Variants in TLN2 observed in about 807,000 individuals in gnomAD.
The protein encoded by TLN2 is talin-2.
A neutral mutation model predicts 294.7 loss-of-function variants in TLN2; 118 were observed. The ratio of observed to expected loss-of-function variants is 0.40; its 90% CI spans 0.34 to 0.47. The LOEUF (loss-of-function observed/expected upper bound fraction) is 0.47, where lower values mean the gene tolerates loss of function less well. TLN2 is among the 20% of genes least tolerant of loss of function. The pLI, the probability that TLN2 is intolerant of heterozygous loss-of-function variation, is 0.84. For missense variants in TLN2, 3,083 were observed against 3,282.2 expected, an observed-to-expected ratio of 0.94 and a Z score of 1.48; for synonymous variants, 1,431 against 1,304.5, an observed-to-expected ratio of 1.10 and a Z score of -2.09.
At chr15:62,587,806 T>A (rs2045736386) in intron 1 of TLN2, among the ~76,000 whole-genome samples, 1 of 152,224 alleles carries the variant, frequency 6.6e-6, no homozygotes, top group Non-Finnish European at 1.5e-5. Context: ...AAAGTGCCTA[T>A]AACATTGGTT....
chr15:62,545,159 C>CA (rs2041920840), intron 1 of TLN2, among the ~76,000 whole-genome samples: 1 of 151,508 alleles, frequency 6.6e-6, no homozygotes, highest in South Asian at 2.1e-4. Flanking sequence ...AGGATGGTCT[C>CA]AATCTCCTGA....
chr15:62,413,884 G>T (rs2033923504), intron 1 of TLN2, among the ~76,000 whole-genome samples: 1 of 150,740 alleles, frequency 6.6e-6, no homozygotes, highest in Non-Finnish European at 1.5e-5. Flanking sequence ...ATGGTTTAAT[G>T]TGTATGCCTA....
intron 1 of TLN2, among the ~76,000 whole-genome samples, chr15:62,468,117 T>G (rs2037248084): frequency 6.6e-6 from 1 of 150,692 alleles, no homozygotes; most frequent in Non-Finnish European, 1.5e-5. Context: ...ATAAATTTAA[T>G]TTATTAAATA....
At chr15:62,486,741 G>C (rs1268311901) in intron 1 of TLN2, among the ~76,000 whole-genome samples, 1 of 151,008 alleles carries the variant, frequency 6.6e-6, no homozygotes, top group African/African-American at 2.4e-5. Flanking sequence ...CTGTTGTACA[G>C]GAGTTGAGCA....
At chr15:62,715,671 CT>C (rs2059720977) in intron 22 of TLN2, among the ~76,000 whole-genome samples, 3 of 152,188 alleles carry the variant, frequency 2.0e-5, no homozygotes, top group Non-Finnish European at 4.4e-5. Flanking sequence ...TTGCCTTCCT[CT>C]TTTTCTGTCA....
chr15:62,475,848 G>C (rs1595890783), intron 1 of TLN2, among the ~76,000 whole-genome samples: 1 of 152,212 alleles, frequency 6.6e-6, no homozygotes, highest in South Asian at 2.1e-4. Flanking sequence ...GAGTCAGACA[G>C]AGTAAGAATA....
intron 1 of TLN2, among the ~76,000 whole-genome samples, chr15:62,427,847 G>A (rs1164802423): frequency 6.6e-6 from 1 of 152,158 alleles, no homozygotes; most frequent in Non-Finnish European, 1.5e-5. Flanking sequence ...CAAACTCTGT[G>A]GTAATTACCC....
intron 52 of TLN2, among the ~76,000 whole-genome samples, chr15:62,814,753 C>G (rs947243821): frequency 6.6e-6 from 1 of 152,192 alleles, no homozygotes; most frequent in South Asian, 2.1e-4. Flanking sequence ...CAACAGTATT[C>G]GGTCACCTAA....
Position 62,840,647 on chromosome 15 carries a change from C to G in TLN2, c.*37C>G, listed in dbSNP as rs1567729596. The G allele has an allele frequency of 5.0e-6, 8 of 1,605,536 alleles. No homozygotes were observed. The highest frequency in any genetic ancestry group is 6.8e-6 in the Non-Finnish European group (8 of 1,175,984). ...CAGATGGCGAGCCCCAGGGGATGGC[C>G]CTGGCTGAACTGGACAGACAGTGTT... On this transcript the variant is annotated 3_prime_UTR_variant, in exon 59 of 59. Coordinates refer to ENST00000636159, the MANE Select transcript of TLN2 (RefSeq NM_015059.3).
intron 45 of TLN2, among the ~76,000 whole-genome samples, chr15:62,790,307 T>C (rs774337256): frequency 1.4e-4 from 21 of 152,192 alleles, no homozygotes; most frequent in Non-Finnish European, 2.6e-4. Context: ...GTTTGACGTA[T>C]TGAGATCCAC....
At chr15:62,783,944 T>C in intron 45 of TLN2, 54 bp downstream of exon 45, 1 of 1,605,200 alleles carries the variant, frequency 6.2e-7, no homozygotes. Context: ...TGGTGCCCAC[T>C]CCTGGGTATT....
intron 1 of TLN2, among the ~76,000 whole-genome samples, chr15:62,589,024 C>T (rs969543729): frequency 7.2e-5 from 11 of 151,990 alleles, no homozygotes; most frequent in African/African-American, 2.4e-4. Context: ...TTTGATTGCA[C>T]GTACTTGGGA....
intron 1 of TLN2, among the ~76,000 whole-genome samples, chr15:62,492,729 T>C (rs2038815700): frequency 6.6e-6 from 1 of 152,164 alleles, no homozygotes; most frequent in Non-Finnish European, 1.5e-5. Flanking sequence ...TTAAAATGTA[T>C]AAGTAAGTTT....
intron 1 of TLN2, among the ~76,000 whole-genome samples, chr15:62,449,397 T>C (rs995462111): frequency 6.6e-6 from 1 of 152,198 alleles, no homozygotes; most frequent in Non-Finnish European, 1.5e-5. Flanking sequence ...GGGGCTGCAG[T>C]AGTTGCTTCA....
At chr15:62,437,509 A>G (rs900920089) in intron 1 of TLN2, among the ~76,000 whole-genome samples, 1 of 151,708 alleles carries the variant, frequency 6.6e-6, no homozygotes, top group African/African-American at 2.4e-5. Context: ...CCTTGTGAAG[A>G]TTATAGGTGT....
intron 1 of TLN2, among the ~76,000 whole-genome samples, chr15:62,562,309 A>G (rs2043033308): frequency 6.6e-6 from 1 of 152,130 alleles, no homozygotes; most frequent in African/African-American, 2.4e-5. Flanking sequence ...GGAGCCCAGT[A>G]ACTGTGCGGC....
intron 11 of TLN2, among the ~76,000 whole-genome samples, chr15:62,684,356 A>G (rs2141036245): frequency 6.6e-6 from 1 of 152,352 alleles, no homozygotes; most frequent in Non-Finnish European, 1.5e-5. Flanking sequence ...TTAGCTGCCT[A>G]GAGCCTATCA....
intron 1 of TLN2, among the ~76,000 whole-genome samples, chr15:62,450,698 C>A (rs2036085116): frequency 6.6e-6 from 1 of 152,040 alleles, no homozygotes; most frequent in South Asian, 2.1e-4. Flanking sequence ...CCTTAGCCTC[C>A]TGAGTAGCTG....
At chr15:62,571,166 G>C (rs150500911) in intron 1 of TLN2, among the ~76,000 whole-genome samples, 27 of 152,320 alleles carry the variant, frequency 1.8e-4, no homozygotes, top group African/African-American at 6.0e-4. Flanking sequence ...GTAGATGCCA[G>C]TTGCACTGAG....
Sources: allele counts gnomAD v4.1 joint callset (sites outside exome capture counted in the v4.1 genomes callset), GRCh38; gene constraint gnomAD v4.1.1; transcripts MANE v1.5; gene names NCBI Gene and HGNC (gene_info 2026-07-23, HGNC 2026-07-21).